SEM1: variants seen among roughly 807,000 people sequenced by gnomAD.
SEM1 encodes SEM1 26S proteasome subunit, also known as 26S proteasome complex subunit SEM1.
A neutral mutation model predicts 12.7 loss-of-function variants in SEM1; 3 were observed. That is an observed-to-expected ratio of 0.24 (90% CI 0.11 to 0.61). The LOEUF (loss-of-function observed/expected upper bound fraction) is 0.61. Among genes scored for constraint, SEM1 ranks in the 20% least tolerant of loss-of-function variants. The probability of loss-of-function intolerance (pLI) is 0.88; values close to 1 mark genes in which losing one functional copy is unlikely to be tolerated. For missense variants in SEM1, 59 were observed against 81.3 expected, an observed-to-expected ratio of 0.73 and a Z score of 1.06; for synonymous variants, 30 against 27.8, an observed-to-expected ratio of 1.08 and a Z score of -0.25.
chr7:96,708,676 G>C (rs1790546270), intron 1 of SEM1, among the ~76,000 whole-genome samples: 1 of 152,188 alleles, frequency 6.6e-6, no homozygotes, highest in African/African-American at 2.4e-5. Flanking sequence ...GAAGTTAAGA[G>C]CTTTGGTGTC....
intron 2 of SEM1, among the ~76,000 whole-genome samples, chr7:96,531,259 C>A (rs115743769): frequency 0.011 from 1,744 of 151,950 alleles, 34 homozygotes; most frequent in African/African-American, 0.04. Context: ...GATCAAGGCT[C>A]ATGGCTTTAC....
chr7:96,483,709 T>C, exon 4 of SEM1: 1 of 961,568 alleles, frequency 1.0e-6, no homozygotes. Flanking sequence ...ACTTGTCATG[T>C]GACCCACCCA....
At chr7:96,665,716 G>T (rs1789153720) in intron 2 of SEM1, among the ~76,000 whole-genome samples, 1 of 152,168 alleles carries the variant, frequency 6.6e-6, no homozygotes. Context: ...AAATACTGAG[G>T]TCTGGGTCCC....
intron 2 of SEM1, among the ~76,000 whole-genome samples, chr7:96,602,071 C>T (rs1807214454): frequency 6.6e-6 from 1 of 152,110 alleles, no homozygotes; most frequent in African/African-American, 2.4e-5. Flanking sequence ...CACCATGTTA[C>T]ATTAACAATG....
chr7:96,496,289 A>T (rs1438737891), exon 1 of SEM1: 1 of 1,520,270 alleles, frequency 6.6e-7, no homozygotes, highest in Non-Finnish European at 8.8e-7. Flanking sequence ...CCTACCTGGC[A>T]ATACATGTTC....
intron 1 of SEM1, among the ~76,000 whole-genome samples, chr7:96,496,019 C>A (rs1379287210): frequency 6.6e-6 from 1 of 152,128 alleles, no homozygotes; most frequent in Non-Finnish European, 1.5e-5. Context: ...GCTGTCATTT[C>A]ATTGTACAAA....
rs780420994 is a variant in SEM1, at chr7:96,688,978, CAGAA to C, written c.171-16_171-13del. 6 of 1,506,342 alleles carry C rather than the reference CAGAA, an allele frequency of 4.0e-6. No homozygotes were observed. Among genetic ancestry groups the C allele is most frequent in the Non-Finnish European group, 1.8e-6 (2 of 1,084,658 alleles). 93.3% of individuals were successfully genotyped at this position (1,506,342 alleles called of 1,614,324 possible). A position where few individuals can be genotyped will look rare whatever the true frequency, so the allele number is the denominator to read the frequency against. On this transcript the variant is annotated splice_polypyrimidine_tract_variant and intron_variant, in intron 2 of 2. Transcript: ENST00000248566. ...TCTCTAGTTCAGCTCTAAGATAAAA[CAGAA>C]AGAACATCACTAGGTATTCTTTATA...
intron 2 of SEM1, among the ~76,000 whole-genome samples, chr7:96,520,902 A>G (rs894413750): frequency 1.4e-4 from 21 of 151,972 alleles, no homozygotes; most frequent in Non-Finnish European, 2.6e-4. Context: ...AAGCAAGAAA[A>G]GGCTTGCTTT....
intron 2 of SEM1, among the ~76,000 whole-genome samples, chr7:96,575,741 CTT>C (rs1231909406): frequency 6.6e-6 from 1 of 152,184 alleles, no homozygotes; most frequent in African/African-American, 2.4e-5. Flanking sequence ...CCCACTTTGA[CTT>C]TTTAATAATA....
chr7:96,555,711 T>C (rs551951064), intron 2 of SEM1, among the ~76,000 whole-genome samples: 1 of 143,886 alleles, frequency 6.9e-6, no homozygotes, highest in Admixed American at 7.1e-5. Context: ...TAGGTCCACT[T>C]GGTGCAGAGC....
At chr7:96,638,739 C>T (rs769300330) in intron 2 of SEM1, among the ~76,000 whole-genome samples, 41 of 151,870 alleles carry the variant, frequency 2.7e-4, no homozygotes, top group Non-Finnish European at 4.4e-4. Context: ...CTTTTTAATT[C>T]AGGAGTGGAT....
chr7:96,488,546 A>C (rs1301334457), intron 1 of SEM1, among the ~76,000 whole-genome samples: 1 of 152,134 alleles, frequency 6.6e-6, no homozygotes, highest in African/African-American at 2.4e-5. Context: ...CTTGAGAAAG[A>C]ATGTTATCAA....
intron 1 of SEM1, among the ~76,000 whole-genome samples, chr7:96,495,450 A>G (rs926071956): frequency 1.3e-5 from 2 of 152,194 alleles, no homozygotes; most frequent in Non-Finnish European, 2.9e-5. Context: ...ATGTATTTTG[A>G]GGACTCCTGA....
chr7:96,512,330 C>A (rs575279711), intron 2 of SEM1, among the ~76,000 whole-genome samples: 1 of 152,040 alleles, frequency 6.6e-6, no homozygotes, highest in Non-Finnish European at 1.5e-5. Context: ...TGAGACTCTT[C>A]TGACTTATGG....
intron 2 of SEM1, among the ~76,000 whole-genome samples, chr7:96,567,909 TACACAC>T (rs778301030): frequency 6.6e-6 from 1 of 151,118 alleles, no homozygotes. Flanking sequence ...AAATGACTGA[TACACAC>T]ACATACACAC....
At chr7:96,543,394 C>G (rs1377110392) in intron 2 of SEM1, among the ~76,000 whole-genome samples, 1 of 151,760 alleles carries the variant, frequency 6.6e-6, no homozygotes, top group Non-Finnish European at 1.5e-5. Context: ...TAGAACCAAT[C>G]CCCCATGTAT....
At chr7:96,580,001 G>C (rs1431937502) in intron 2 of SEM1, among the ~76,000 whole-genome samples, 2 of 149,840 alleles carry the variant, frequency 1.3e-5, no homozygotes, top group African/African-American at 4.9e-5. Flanking sequence ...TAAGTTTTAG[G>C]GTACATGTGC....
chr7:96,621,045 CTATG>C (rs974775669), downstream of SEM1, among the ~76,000 whole-genome samples: 29 of 152,090 alleles, frequency 1.9e-4, no homozygotes, highest in Admixed American at 1.0e-3. Flanking sequence ...CATGAACACA[CTATG>C]TATGACCAGT....
chr7:96,505,275 T>C (rs989143209), intron 3 of SEM1, among the ~76,000 whole-genome samples: 3 of 151,932 alleles, frequency 2.0e-5, no homozygotes. Context: ...CTAATTTTTT[T>C]GTATTTTTAT....
Sources: allele counts gnomAD v4.1 joint callset (sites outside exome capture counted in the v4.1 genomes callset), GRCh38; gene constraint gnomAD v4.1.1; transcripts MANE v1.5; gene names NCBI Gene and HGNC (gene_info 2026-07-23, HGNC 2026-07-21).